Variants in COL24A1 observed in about 807,000 individuals in gnomAD.
The protein encoded by COL24A1 is collagen type XXIV alpha 1 chain.
In COL24A1, 224 loss-of-function variants were observed where a neutral mutation model predicts 253.9. The observed-to-expected ratio is 0.88, with a 90% CI of 0.79 to 0.99. COL24A1 has a LOEUF of 0.99. COL24A1 is among the 50% of genes least tolerant of loss of function. The pLI is 0.00. For missense variants in COL24A1, 2,131 were observed against 2,068.5 expected (o/e 1.03, Z -0.59); for synonymous variants, 685 against 673.7 (o/e 1.02, Z -0.26).
At chr1:86,086,989 G>A (rs143443746) in intron 7 of COL24A1, among the ~76,000 whole-genome samples, 3 of 152,234 alleles carry the variant, frequency 2.0e-5, no homozygotes, top group African/African-American at 7.2e-5. Flanking sequence ...CTGAACTACT[G>A]TCAAATCACA....
At chr1:85,846,687 T>G (rs1040216542) in intron 39 of COL24A1, among the ~76,000 whole-genome samples, 1 of 151,982 alleles carries the variant, frequency 6.6e-6, no homozygotes, top group African/African-American at 2.4e-5. Flanking sequence ...AGAAGTAATA[T>G]GAAATGTTGA....
intron 32 of COL24A1, among the ~76,000 whole-genome samples, chr1:85,881,601 G>A (rs1258950154): frequency 1.3e-5 from 2 of 152,060 alleles, no homozygotes; most frequent in Non-Finnish European, 2.9e-5. Flanking sequence ...TTCCAGCCTG[G>A]GTGACAGAAC....
At chr1:86,062,778 T>C (rs1290209236) in intron 8 of COL24A1, among the ~76,000 whole-genome samples, 2 of 152,164 alleles carry the variant, frequency 1.3e-5, no homozygotes, top group African/African-American at 4.8e-5. Flanking sequence ...GAGATACATA[T>C]ATCACTTCGC....
At chr1:85,856,486 AT>A (rs1412682284) in intron 37 of COL24A1, among the ~76,000 whole-genome samples, 2 of 152,148 alleles carry the variant, frequency 1.3e-5, no homozygotes, top group African/African-American at 2.4e-5. Context: ...ATTAATTTCC[AT>A]TTAATGGTAT....
chr1:85,978,726 G>A lies in COL24A1; in HGVS notation c.2365-7333C>T, dbSNP rs1017191002. 2.0e-5 allele frequency among the ~76,000 whole-genome samples: 3 copies of A among 152,116 alleles called. No individual in the cohort carries two copies. The East Asian group carries it at 5.8e-4, about 29-fold the overall frequency. On this transcript the variant is annotated intron_variant, in intron 20 of 59. Coordinates refer to ENST00000370571, the MANE Select transcript of COL24A1 (RefSeq NM_152890.7). ...CTAGACCTAAGAAATGAGACAGATG[G>A]TGACACGATAATAGTGGGGGATGTT...
At chr1:86,029,321 G>C (rs1342973423) in intron 14 of COL24A1, among the ~76,000 whole-genome samples, 1 of 152,186 alleles carries the variant, frequency 6.6e-6, no homozygotes, top group Non-Finnish European at 1.5e-5. Context: ...ACACTTATCA[G>C]CTAAATAGTC....
intron 2 of COL24A1, among the ~76,000 whole-genome samples, chr1:86,136,070 T>C (rs1402101827): frequency 6.6e-6 from 1 of 152,094 alleles, no homozygotes; most frequent in Non-Finnish European, 1.5e-5. Context: ...GGAGGACTTC[T>C]GCAGCCAGCT....
At chr1:86,147,946 C>A (rs184599625) in intron 1 of COL24A1, among the ~76,000 whole-genome samples, 66 of 152,300 alleles carry the variant, frequency 4.3e-4, no homozygotes, top group African/African-American at 1.6e-3. Context: ...CACTTGTGAG[C>A]AATCACTGGG....
intron 20 of COL24A1, among the ~76,000 whole-genome samples, chr1:85,986,663 T>A (rs947420166): frequency 6.6e-6 from 1 of 151,872 alleles, no homozygotes; most frequent in African/African-American, 2.4e-5. Flanking sequence ...GAAAATTAAA[T>A]GAGATAATGA....
At chr1:86,130,983 G>A (rs1649086447) in intron 2 of COL24A1, among the ~76,000 whole-genome samples, 1 of 151,916 alleles carries the variant, frequency 6.6e-6, no homozygotes, top group Non-Finnish European at 1.5e-5. Context: ...CCGAGTGTTG[G>A]ACTTTTCAGA....
intron 19 of COL24A1, among the ~76,000 whole-genome samples, chr1:86,016,484 G>T (rs1168907776): frequency 6.6e-6 from 1 of 152,146 alleles, no homozygotes; most frequent in Non-Finnish European, 1.5e-5. Flanking sequence ...GCGTGTATGT[G>T]TGTGTGTGTA....
At chr1:85,995,179 T>C (rs1296579403) in intron 19 of COL24A1, among the ~76,000 whole-genome samples, 2 of 152,180 alleles carry the variant, frequency 1.3e-5, no homozygotes. Context: ...AAAGATTGAT[T>C]CTTGCTCTGT....
intron 1 of COL24A1, among the ~76,000 whole-genome samples, chr1:86,150,390 T>C (rs1652587257): frequency 1.3e-5 from 2 of 152,186 alleles, no homozygotes. Flanking sequence ...TAAAAGGAAA[T>C]GATCAAAAGT....
chr1:86,062,645 A>T (rs11161727), intron 8 of COL24A1, among the ~76,000 whole-genome samples: 15,450 of 152,106 alleles, frequency 0.1, 865 homozygotes, highest in Middle Eastern at 0.2. Context: ...CAAAGCAGTA[A>T]CCTACAATTT....
At chr1:85,841,856 G>T (rs1676649943) in intron 41 of COL24A1, among the ~76,000 whole-genome samples, 1 of 151,968 alleles carries the variant, frequency 6.6e-6, no homozygotes, top group Non-Finnish European at 1.5e-5. Context: ...TATTATTTCA[G>T]CTCAGTCTTG....
At chr1:85,903,839 A>G (rs1226765832) in intron 28 of COL24A1, among the ~76,000 whole-genome samples, 2 of 152,174 alleles carry the variant, frequency 1.3e-5, no homozygotes, top group Non-Finnish European at 2.9e-5. Flanking sequence ...CTTGATTTAC[A>G]CAGCTGAAAC....
At chr1:85,905,770 A>T (rs1684759766) in intron 28 of COL24A1, among the ~76,000 whole-genome samples, 1 of 152,108 alleles carries the variant, frequency 6.6e-6, no homozygotes, top group South Asian at 2.1e-4. Flanking sequence ...TTTCCATATG[A>T]CTTAATGAGA....
chr1:86,118,431 T>A (rs1300244525), intron 3 of COL24A1, among the ~76,000 whole-genome samples: 1 of 152,202 alleles, frequency 6.6e-6, no homozygotes, highest in Non-Finnish European at 1.5e-5. Flanking sequence ...TTATTATTAC[T>A]AGGATAATAT....
intron 53 of COL24A1, among the ~76,000 whole-genome samples, chr1:85,772,291 A>G: frequency 6.6e-6 from 1 of 151,736 alleles, no homozygotes; most frequent in Non-Finnish European, 1.5e-5. Flanking sequence ...GGCAATCATT[A>G]AAAAGTCAGG....
Sources: gnomAD v4.1 joint callset for allele counts (sites outside exome capture counted in the v4.1 genomes callset) on GRCh38, gnomAD v4.1.1 for gene constraint, MANE v1.5 for transcripts, NCBI Gene and HGNC (gene_info 2026-07-23, HGNC 2026-07-21) for gene names.